Variants in EVL observed in about 807,000 individuals in gnomAD.
EVL encodes Enah/Vasp-like.
Under a neutral mutation model 59.6 loss-of-function variants are expected in EVL, and 21 were observed. That is an observed-to-expected ratio of 0.35 (90% confidence interval 0.25 to 0.51). The LOEUF (loss-of-function observed/expected upper bound fraction) is 0.51. EVL is among the 20% of genes least tolerant of loss of function. The pLI, the probability that EVL is intolerant of heterozygous loss-of-function variation, is 0.97. For synonymous variants in EVL, 198 were observed against 203.5 expected (o/e 0.97, Z 0.23); for missense variants, 462 against 546.6 (o/e 0.85, Z 1.54).
At chr14:100,101,027 T>C (rs1886182805) in intron 3 of EVL, among the ~76,000 whole-genome samples, 1 of 152,176 alleles carries the variant, frequency 6.6e-6, no homozygotes, top group South Asian at 2.1e-4. Flanking sequence ...CCAGTTATTT[T>C]CCTTGGGCAT....
intron 3 of EVL, chr14:100,107,515 A>C (rs1886646455): frequency 2.6e-6 from 1 of 389,728 alleles, no homozygotes; most frequent in African/African-American, 2.1e-5. Context: ...AACCATGGCC[A>C]CGCCCAACGT....
intron 1 of EVL, among the ~76,000 whole-genome samples, chr14:99,976,465 G>A (rs2060770873): frequency 6.6e-6 from 1 of 151,362 alleles, no homozygotes; most frequent in Admixed American, 6.6e-5. Flanking sequence ...GTTCAATTAT[G>A]GCAATCTGTT....
rs562583841 is a variant in EVL at position 100,053,760 on chromosome 14, C to G, written c.6-30927C>G. 1.9e-4 allele frequency among the ~76,000 whole-genome samples: 29 copies of G among 152,210 alleles called. No individual in the cohort carries two copies. The East Asian group carries it at 2.1e-3, about 11-fold the overall frequency. ...ATTACCCAGGTTCAAGCTATTCCCC[C>G]ACCTCAGCCTCCTGAGTAGCTGGGA... is the stretch of plus-strand genomic sequence containing the variant. On this transcript the variant is annotated intron_variant, in intron 1 of 13. Coordinates refer to the EVL transcript ENST00000402714.
intron 7 of EVL, among the ~76,000 whole-genome samples, chr14:100,131,312 T>C (rs1888421480): frequency 6.6e-6 from 1 of 152,222 alleles, no homozygotes; most frequent in Non-Finnish European, 1.5e-5. Flanking sequence ...AGATGCCAGA[T>C]GCCGGTGGGA....
At chr14:100,009,867 G>A (rs919377218) in intron 1 of EVL, among the ~76,000 whole-genome samples, 2 of 152,226 alleles carry the variant, frequency 1.3e-5, no homozygotes, top group Non-Finnish European at 2.9e-5. Context: ...CTTCCAGGCT[G>A]TAGGTAAATT....
At position 100,051,805 on chromosome 14, in the gene EVL, A is replaced by G. The variant is rs559046056; in HGVS notation, c.6-32882A>G. ...GTTCCCTGGTTTCTAACTTCCGTGTATATTCCAGGCCAATGTCGATCTGTT... is the reference window on the plus strand; with the variant it reads ...GTTCCCTGGTTTCTAACTTCCGTGTGTATTCCAGGCCAATGTCGATCTGTT... On this transcript the variant is annotated intron_variant, in intron 1 of 13. Coordinates refer to the EVL transcript ENST00000402714. 3.3e-5 allele frequency among the ~76,000 whole-genome samples: 5 copies of G among 152,308 alleles called. No homozygotes were observed. In the South Asian group the frequency reaches 1.0e-3, roughly 32 times the overall value.
chr14:100,104,184 G>A (rs1450049341), intron 3 of EVL, among the ~76,000 whole-genome samples: 1 of 152,178 alleles, frequency 6.6e-6, no homozygotes, highest in African/African-American at 2.4e-5. Flanking sequence ...CTGGGCCGGG[G>A]ACAAGTACAT....
intron 1 of EVL, among the ~76,000 whole-genome samples, chr14:100,049,144 A>G (rs988910468): frequency 6.6e-6 from 1 of 152,252 alleles, no homozygotes; most frequent in African/African-American, 2.4e-5. Flanking sequence ...TTGCATTATT[A>G]TGTTCCTTTG....
intron 1 of EVL, chr14:100,019,599 T>A: frequency 7.0e-7 from 1 of 1,419,888 alleles, no homozygotes; most frequent in South Asian, 1.3e-5. Context: ...TCTGACTAAC[T>A]AAATGGTTGT....
At chr14:100,065,579 T>G in intron 1 of EVL, 68 bp downstream of exon 1, 1 of 965,216 alleles carries the variant, frequency 1.0e-6, no homozygotes, top group African/African-American at 1.7e-5. Context: ...TAACGGTGAA[T>G]GGGCTGTAGA....
chr14:100,091,081 T>C (rs1425650268), intron 2 of EVL, among the ~76,000 whole-genome samples: 1 of 152,226 alleles, frequency 6.6e-6, no homozygotes, highest in Non-Finnish European at 1.5e-5. Flanking sequence ...TTAGTTTTCA[T>C]CGACGCTTCC....
At position 100,144,165 on chromosome 14, in the gene EVL, A is replaced by G. The variant is rs1889382600; in HGVS notation, c.*427A>G. On this transcript the variant is annotated 3_prime_UTR_variant, in exon 14 of 14. Transcript: ENST00000392920. ...AGGCACAGCTCCGTCCCCAGCGCTC[A>G]TGGTGTTGAAACTGTCTGTCATGCA... The G allele has an allele frequency of 5.0e-6, 1 of 200,796 alleles. No homozygotes were observed. Among genetic ancestry groups the G allele is most frequent in the East Asian group, 1.4e-4 (1 of 7,406 alleles). 12.4% of individuals were successfully genotyped at this position (200,796 alleles called of 1,614,324 possible).
intron 1 of EVL, among the ~76,000 whole-genome samples, chr14:99,994,007 T>G (rs1214158246): frequency 6.6e-6 from 1 of 151,934 alleles, no homozygotes; most frequent in Non-Finnish European, 1.5e-5. Flanking sequence ...ATTTTTTTAT[T>G]TCTTCAGTCT....
At chr14:100,077,266 C>A (rs747774233) in intron 1 of EVL, among the ~76,000 whole-genome samples, 1 of 152,078 alleles carries the variant, frequency 6.6e-6, no homozygotes, top group Non-Finnish European at 1.5e-5. Context: ...GGGCCAGATC[C>A]AAAAGATGTT....
Position 100,019,407 on chromosome 14 carries a change from A to G in EVL, c.5+47350A>G, listed in dbSNP as rs75081657. 1,886 of 475,416 alleles carry G rather than the reference A, an allele frequency of 4.0e-3. 25 individuals are homozygous for G. Among genetic ancestry groups the G allele is most frequent in the African/African-American group, 0.033 (1,633 of 49,494 alleles). 29.4% of individuals were successfully genotyped at this position (475,416 alleles called of 1,614,324 possible). On this transcript the variant is annotated intron_variant, in intron 1 of 13. Coordinates refer to the EVL transcript ENST00000402714. ...AGTTCCCAGCCTGGAGCCTAAGCAT[A>G]CACTGCATTAATCAGACTTGCTGGA...
At chr14:100,102,436 T>C in intron 3 of EVL, 1 of 450,724 alleles carries the variant, frequency 2.2e-6, no homozygotes, top group Non-Finnish European at 4.5e-6. Flanking sequence ...TCAGGTGACA[T>C]CTACATTGTC....
intron 11 of EVL, chr14:100,140,965 T>C (rs902746072): frequency 1.4e-5 from 7 of 493,092 alleles, no homozygotes; most frequent in African/African-American, 6.0e-5. Context: ...GGCTCTCGGG[T>C]TGGGAAATAC....
At chr14:100,136,119 A>C (rs79050653) in intron 9 of EVL, 151 bp downstream of exon 9, 90 of 224,906 alleles carry the variant, frequency 4.0e-4, no homozygotes, top group African/African-American at 2.7e-3. Flanking sequence ...TGGGTCCCCC[A>C]GAGCCTCCCC....
At chr14:100,015,052 C>G (rs1448530291) in intron 1 of EVL, among the ~76,000 whole-genome samples, 1 of 152,170 alleles carries the variant, frequency 6.6e-6, no homozygotes, top group African/African-American at 2.4e-5. Context: ...ACATTAGATT[C>G]TGTTCAGATG....
Sources: allele counts gnomAD v4.1 joint callset (sites outside exome capture counted in the v4.1 genomes callset), GRCh38; gene constraint gnomAD v4.1.1; transcripts MANE v1.5; gene names NCBI Gene and HGNC (gene_info 2026-07-23, HGNC 2026-07-21).